Variants in PCDHA5 observed in about 807,000 individuals in gnomAD.
PCDHA5 encodes protocadherin alpha 5, also known as protocadherin alpha-5.
Under a neutral mutation model 61.6 loss-of-function variants are expected in PCDHA5, and 43 were observed. That is an observed-to-expected ratio of 0.70 (90% CI 0.55 to 0.90). The LOEUF is 0.90. Ranked by LOEUF, PCDHA5 falls within the 40% of genes least tolerant of loss-of-function variation. The pLI, the probability that PCDHA5 is intolerant of heterozygous loss-of-function variation, is 0.00. For missense variants in PCDHA5, 1,298 were observed against 1,222.7 expected (o/e 1.06, Z -0.92); for synonymous variants, 627 against 543.9 (o/e 1.15, Z -2.13).
intron 1 of PCDHA5, chr5:140,834,901 G>T: frequency 6.2e-7 from 1 of 1,600,398 alleles, no homozygotes; most frequent in Non-Finnish European, 8.5e-7. Context: ...TACAGACTGA[G>T]CCCCAATGAG....
At chr5:140,867,932 T>C (rs2050205695) in intron 1 of PCDHA5, 1 of 152,146 alleles carries the variant, frequency 6.6e-6, no homozygotes, top group Non-Finnish European at 1.5e-5. Context: ...TTCCCTTGTT[T>C]TCCATGAACT....
chr5:140,962,796 A>T (rs1248367259), intron 1 of PCDHA5, among the ~76,000 whole-genome samples: 1 of 152,222 alleles, frequency 6.6e-6, no homozygotes, highest in Non-Finnish European at 1.5e-5. Flanking sequence ...ACTACTTTGG[A>T]CAACTCTAAA....
intron 1 of PCDHA5, among the ~76,000 whole-genome samples, chr5:140,831,469 C>T (rs2150194603): frequency 8.2e-6 from 1 of 122,106 alleles, no homozygotes; most frequent in Non-Finnish European, 1.7e-5. Flanking sequence ...AAGTGATTCT[C>T]TCACCTCAGC....
chr5:140,948,943 A>G (rs2094326850), intron 1 of PCDHA5, among the ~76,000 whole-genome samples: 1 of 71,272 alleles, frequency 1.4e-5, no homozygotes, highest in African/African-American at 4.3e-5. Context: ...CTTCTAATAT[A>G]AAAAAATTAA....
rs1554263543 is a variant in PCDHA5, at chr5:141,011,545, G to A, written c.*1608G>A. 1 of 153,624 alleles carries A rather than the reference G, an allele frequency of 6.5e-6. No individual in the cohort carries two copies. Among genetic ancestry groups the A allele is most frequent in the Non-Finnish European group, 1.5e-5 (1 of 68,004 alleles). 9.5% of individuals were successfully genotyped at this position (153,624 alleles called of 1,614,324 possible). A position where few individuals can be genotyped will look rare whatever the true frequency, so the allele number is the denominator to read the frequency against. Reference sequence around the variant, plus strand: ...TTAACCATTGTTAATCAGCTTTTGTGTATGAAAGACACAGTAAAATTTCTT... The same window carrying A: ...TTAACCATTGTTAATCAGCTTTTGTATATGAAAGACACAGTAAAATTTCTT... On this transcript the variant is annotated 3_prime_UTR_variant, in exon 4 of 4. Coordinates refer to ENST00000529859, the MANE Select transcript of PCDHA5 (RefSeq NM_018908.3).
chr5:140,972,398 A>G (rs2096535021), intron 1 of PCDHA5, among the ~76,000 whole-genome samples: 1 of 151,358 alleles, frequency 6.6e-6, no homozygotes, highest in Non-Finnish European at 1.5e-5. Flanking sequence ...TTGCTTCACT[A>G]TTGGCAAACC....
intron 1 of PCDHA5, chr5:140,828,675 TA>T: frequency 6.2e-7 from 1 of 1,614,212 alleles, no homozygotes; most frequent in Non-Finnish European, 8.5e-7. Context: ...ATTGGGCTCT[TA>T]TTAAAGAAAT....
Position 140,992,419 on chromosome 5 carries a change from A to C in PCDHA5, c.2500+9856A>C, listed in dbSNP as rs554370784. The stretch of plus-strand genomic sequence containing the variant: ...GAGATATTGTTCTGCCCCAGGTCTA[A>C]GAATATTGTTCCAAGAGTTGGGAGC... On this transcript the variant is annotated intron_variant, in intron 3 of 3. Transcript: ENST00000529859. Among the ~76,000 whole-genome samples the C allele has an allele frequency of 3.3e-5, 5 of 152,318 alleles. No individual in the cohort carries two copies. In the East Asian group the frequency reaches 7.7e-4, roughly 23 times the overall value.
At chr5:140,981,019 T>A (rs1396794400) in intron 2 of PCDHA5, among the ~76,000 whole-genome samples, 1 of 152,242 alleles carries the variant, frequency 6.6e-6, no homozygotes, top group East Asian at 1.9e-4. Context: ...ACTTGAAGGC[T>A]GTTAATATTT....
intron 1 of PCDHA5, among the ~76,000 whole-genome samples, chr5:140,971,962 T>C (rs1392143830): frequency 6.6e-6 from 1 of 152,150 alleles, no homozygotes; most frequent in Non-Finnish European, 1.5e-5. Context: ...CAAAAACTTT[T>C]TTTCAATACT....
chr5:140,993,454 T>G (rs1343043993), intron 3 of PCDHA5, among the ~76,000 whole-genome samples: 1 of 133,974 alleles, frequency 7.5e-6, no homozygotes, highest in Non-Finnish European at 1.6e-5. Flanking sequence ...GTTCTCCTTC[T>G]TTCTTTCTCA....
rs2150359947 is a variant in PCDHA5, at chr5:140,843,438, C to T, written c.2352+19311C>T. The T allele has an allele frequency of 2.5e-6, 4 of 1,595,980 alleles. No homozygotes were observed. In the African/African-American group the frequency reaches 5.4e-5, roughly 21 times the overall value. ...GTGTACCTGATCATCGCCATCTGCGCGGTATCCAGCCTGCTGGTGCTCACG... is the reference window on the plus strand; with the variant it reads ...GTGTACCTGATCATCGCCATCTGCGTGGTATCCAGCCTGCTGGTGCTCACG... On this transcript the variant is annotated intron_variant, in intron 1 of 3. Coordinates refer to ENST00000529859, the MANE Select transcript of PCDHA5 (RefSeq NM_018908.3).
intron 1 of PCDHA5, among the ~76,000 whole-genome samples, chr5:140,899,105 T>G (rs2153462801): frequency 6.6e-6 from 1 of 152,160 alleles, no homozygotes; most frequent in Non-Finnish European, 1.5e-5. Flanking sequence ...GATAATGGGG[T>G]TTTCTAGATA....
At chr5:140,870,425 C>T (rs531014522) in intron 1 of PCDHA5, 19 of 1,614,072 alleles carry the variant, frequency 1.2e-5, no homozygotes, top group Non-Finnish European at 1.5e-5. Context: ...GCCAGGGTAT[C>T]CGTGGAGGTG....
Position 140,927,906 on chromosome 5 carries a change from C to T in PCDHA5, c.2353-51043C>T, listed in dbSNP as rs116016831. On this transcript the variant is annotated intron_variant, in intron 1 of 3. Coordinates refer to ENST00000529859, the MANE Select transcript of PCDHA5 (RefSeq NM_018908.3). ...TGACTGACGTGAACGATCATGCCCC[C>T]GAACTGGACTTCCTGACTCTTTCGA... is the stretch of plus-strand genomic sequence containing the variant. 5,195 of 1,614,178 alleles carry T rather than the reference C, an allele frequency of 3.2e-3. 26 individuals are homozygous for T. The highest frequency in any genetic ancestry group is 0.019 in the African/African-American group (1,450 of 75,038).
chr5:140,850,290 G>C (rs2150477897), intron 1 of PCDHA5: 1 of 1,595,932 alleles, frequency 6.3e-7, no homozygotes, highest in South Asian at 1.1e-5. Flanking sequence ...CGCAGTGGAC[G>C]CCGACTCGGG....
At chr5:140,871,653 C>A in intron 1 of PCDHA5, 1 of 1,244,246 alleles carries the variant, frequency 8.0e-7, no homozygotes, top group Non-Finnish European at 1.1e-6. Context: ...CCAAATGATA[C>A]ACATCTTCAG....
intron 1 of PCDHA5, chr5:140,877,395 C>T (rs375548936): frequency 4.3e-6 from 7 of 1,613,958 alleles, no homozygotes; most frequent in Middle Eastern, 1.6e-4. Flanking sequence ...ATGAGGCGGA[C>T]GCTCCGCGCC....
chr5:140,891,820 G>T (rs1341896388), intron 1 of PCDHA5, among the ~76,000 whole-genome samples: 3 of 152,102 alleles, frequency 2.0e-5, no homozygotes, highest in African/African-American at 7.2e-5. Context: ...TAAATTAACG[G>T]CACTGTAAAA....
Sources: gnomAD v4.1 joint callset for allele counts (sites outside exome capture counted in the v4.1 genomes callset) on GRCh38, gnomAD v4.1.1 for gene constraint, MANE v1.5 for transcripts, NCBI Gene and HGNC (gene_info 2026-07-23, HGNC 2026-07-21) for gene names.